Variants in PDE4A observed in about 807,000 individuals in gnomAD.
PDE4A encodes the protein phosphodiesterase 4A.
PDE4A carries 21 observed loss-of-function variants against 73.9 expected under a neutral mutation model. The observed-to-expected ratio is 0.28, with a 90% CI of 0.20 to 0.41. The LOEUF (loss-of-function observed/expected upper bound fraction) is 0.41. PDE4A is among the 10% of genes least tolerant of loss of function. The pLI is 1.00. For missense variants in PDE4A, 958 were observed against 1,211.4 expected, an observed-to-expected ratio of 0.79 and a Z score of 3.10; for synonymous variants, 463 against 505.4, an observed-to-expected ratio of 0.92 and a Z score of 1.13.
intron 1 of PDE4A, chr19:10,431,086 G>A (rs2042783026): frequency 6.5e-7 from 1 of 1,542,864 alleles, no homozygotes; most frequent in African/African-American, 1.4e-5. Context: ...GCTGGGGCTG[G>A]GTAAGTGCAG....
chr19:10,455,030 C>G, intron 7 of PDE4A, 108 bp downstream of exon 7: 1 of 1,025,392 alleles, frequency 9.8e-7, no homozygotes, highest in South Asian at 1.4e-5. Flanking sequence ...GACTCTGACT[C>G]TCAACTCCCC....
At chr19:10,432,436 T>TGCGCTCCGGTGCA in intron 1 of PDE4A, 4 of 1,456,160 alleles carry the variant, frequency 2.7e-6, no homozygotes, top group African/African-American at 1.5e-5. Context: ...TTGGCTCCCA[T>TGCGCTCCGGTGCA]GCGCTCCGGT....
intron 7 of PDE4A, among the ~76,000 whole-genome samples, chr19:10,457,283 AACATGTAAATG>A (rs1795353144): frequency 6.6e-6 from 1 of 152,172 alleles, no homozygotes; most frequent in Admixed American, 6.6e-5. Context: ...ATGGGAGCAT[AACATGTAAATG>A]ACCCGTATTA....
At chr19:10,428,394 T>C (rs1041876729) in intron 1 of PDE4A, among the ~76,000 whole-genome samples, 1 of 107,982 alleles carries the variant, frequency 9.3e-6, no homozygotes, top group Non-Finnish European at 2.0e-5. Flanking sequence ...GAGAGAGAGA[T>C]ATTGAGAGAG....
upstream of PDE4A, chr19:10,416,948 G>A: frequency 6.5e-7 from 1 of 1,544,156 alleles, no homozygotes; most frequent in Admixed American, 1.9e-5. Flanking sequence ...GCGAGATGAA[G>A]AGGAGTCGCA....
At chr19:10,455,046 T>C in intron 7 of PDE4A, 124 bp downstream of exon 7, 1 of 885,942 alleles carries the variant, frequency 1.1e-6, no homozygotes, top group East Asian at 2.6e-5. Context: ...TCCCCAAAGG[T>C]CACAGTCACC....
At chr19:10,428,364 G>A (rs926330822) in intron 1 of PDE4A, among the ~76,000 whole-genome samples, 1 of 72,570 alleles carries the variant, frequency 1.4e-5, no homozygotes, top group Admixed American at 1.2e-4. Context: ...TCTCGAGAGA[G>A]AGAGAGAGAG....
intron 1 of PDE4A, among the ~76,000 whole-genome samples, chr19:10,442,563 ACG>A (rs1390221077): frequency 1.3e-5 from 2 of 151,856 alleles, no homozygotes; most frequent in Admixed American, 1.3e-4. Flanking sequence ...ATAAGAAGAC[ACG>A]CTTTAGGCAT....
rs201068733 is a variant in PDE4A at position 10,461,895 on chromosome 19, T to A, written c.1639T>A (p.Ser547Thr). Residue 547 changes from serine to threonine, a missense_variant, in exon 13 of 15, where the codon TCC becomes ACC. Around this residue, in one of 3 missense-constraint regions of PDE4A, gnomAD observed 570 missense variants for 827.7 expected, o/e 0.69. Coordinates refer to ENST00000380702, the MANE Select transcript of PDE4A (RefSeq NM_001111307.2). Reference protein sequence around the residue: ...VIDMVLATDMSKHMTLLADLK... With the variant: ...VIDMVLATDMTKHMTLLADLK... ...CCCGCAGGTGCTGGCCACGGACATG[T>A]CCAAGCACATGACCCTCCTGGCTGA... The A allele has an allele frequency of 5.0e-6, 8 of 1,613,730 alleles. No homozygotes were observed. Among genetic ancestry groups the A allele is most frequent in the Non-Finnish European group, 5.9e-6 (7 of 1,179,946 alleles).
chr19:10,447,215 CTCT>C (rs1276056365), intron 2 of PDE4A, among the ~76,000 whole-genome samples: 2 of 94,274 alleles, frequency 2.1e-5, no homozygotes, highest in East Asian at 3.7e-4. Flanking sequence ...TCCTTTTTTT[CTCT>C]TTTTTTTTTT....
Position 10,459,640 on chromosome 19 carries a change from G to C in PDE4A, c.1246G>C (p.Val416Leu), listed in dbSNP as rs1292849708. Residue 416 changes from valine to leucine, a missense_variant, in exon 10 of 15, where the codon GTG becomes CTG. Around this residue, in one of 3 missense-constraint regions of PDE4A, gnomAD observed 570 missense variants for 827.7 expected, o/e 0.69. Transcript: ENST00000380702. ...ATTCCGCATCCCTGTGGACACGATG[G>C]TGACATACATGCTGACGCTGGAGGA... is the stretch of plus-strand genomic sequence containing the variant. ...KKFRIPVDTM[V>L]TYMLTLEDHY... 3 of 1,614,246 alleles carry C rather than the reference G, an allele frequency of 1.9e-6. No homozygotes were observed. In the Admixed American group the frequency reaches 5.0e-5, roughly 27 times the overall value.
Position 10,467,040 on chromosome 19 carries a change from G to A in PDE4A, c.2080G>A (p.Glu694Lys). ...GAGCCCATCTCCGCCACCCGAGGAG[G>A]AGTCAAGGGGGCCAGGCCACCCACC... ...RQSPSPPPEEESRGPGHPPLP... is the reference protein window; with the variant it reads ...RQSPSPPPEEKSRGPGHPPLP... The change falls in exon 15 of 15, where the codon GAG becomes AAG. Residue 694 changes from glutamate (E) to lysine (K), a missense_variant. By Grantham distance (56) the Glu-to-Lys change is moderately conservative. Around this residue, in one of 3 missense-constraint regions of PDE4A, gnomAD observed 570 missense variants for 827.7 expected, o/e 0.69. Coordinates refer to ENST00000380702, the MANE Select transcript of PDE4A (RefSeq NM_001111307.2). 6.2e-7 allele frequency: 1 copy of A among 1,614,162 alleles called. No individual in the cohort carries two copies.
rs774727389 is a variant in PDE4A, at chr19:10,420,911, C to T, written c.147C>T (p.Ser49=). The change falls in exon 1 of 15, where the codon TCC becomes TCT. Residue 49 remains serine (S), a synonymous_variant. Transcript: ENST00000380702. This position sits in a 1 kb window ranked among gnomAD's most constrained non-coding sequence, Gnocchi z 6.0. ...TCCGTATCCAGCAGCGCGGCTACTC[C>T]GACAGCGCGGAGCGCGCCGAGCGGG... ...TPIRIQQRGY[S]DSAERAERER... 2.5e-6 allele frequency: 4 copies of T among 1,585,018 alleles called. No homozygotes were observed. The highest frequency in any genetic ancestry group is 1.7e-5 in the Admixed American group (1 of 58,836).
intron 1 of PDE4A, chr19:10,422,983 GA>G: frequency 2.6e-6 from 1 of 389,828 alleles, no homozygotes; most frequent in African/African-American, 2.2e-5. Flanking sequence ...GACAGTGGCT[GA>G]GTGGTAATAA....
chr19:10,435,512 G>C (rs1014261784), intron 1 of PDE4A, among the ~76,000 whole-genome samples: 1 of 151,718 alleles, frequency 6.6e-6, no homozygotes, highest in African/African-American at 2.4e-5. Context: ...AGTGAACCAT[G>C]ATCGCCCCAC....
In PDE4A at chr19:10,467,600, G is replaced by A. The variant is rs1280166867; in HGVS notation, c.2640G>A (p.Gly880=). ...CACTCCCAGCTCCTGGTGGCGGGGG[G>A]TCAGGTGGAGACCCTACCTGATCCC... ...TSALPAPGGG[G]SGGDPT The change falls in exon 15 of 15, where the codon GGG becomes GGA. Residue 880 remains glycine, a synonymous_variant. Coordinates refer to ENST00000380702, the MANE Select transcript of PDE4A (RefSeq NM_001111307.2). 6.3e-6 allele frequency: 10 copies of A among 1,579,812 alleles called. No homozygotes were observed. In the East Asian group the frequency reaches 6.8e-5, roughly 11 times the overall value.
chr19:10,461,405 C>T, intron 11 of PDE4A, 121 bp from the exon 12 acceptor site: 2 of 1,518,890 alleles, frequency 1.3e-6, no homozygotes, highest in Non-Finnish European at 1.8e-6. Flanking sequence ...GTAGAGCTGA[C>T]TGGGCTGGAG....
chr19:10,425,619 G>C (rs1479955739), intron 1 of PDE4A, among the ~76,000 whole-genome samples: 1 of 152,210 alleles, frequency 6.6e-6, no homozygotes, highest in Non-Finnish European at 1.5e-5. Context: ...ACCTGGGAGA[G>C]CCACAGTCTG....
chr19:10,449,251 C>T, intron 4 of PDE4A, 101 bp downstream of exon 4: 1 of 1,255,558 alleles, frequency 8.0e-7, no homozygotes, highest in Non-Finnish European at 1.1e-6. Flanking sequence ...CAGGTGACCT[C>T]TCTGAACCTC....
Sources: gnomAD v4.1 joint callset for allele counts (sites outside exome capture counted in the v4.1 genomes callset) on GRCh38, gnomAD v4.1.1 for gene constraint, gnomAD v4.1.1 regional missense constraint, Gnocchi (gnomAD v3.1) non-coding constraint, MANE v1.5 for transcripts, NCBI Gene and HGNC (gene_info 2026-07-23, HGNC 2026-07-21) for gene names.